The following ANO1 variants were observed in gnomAD, a reference collection of about 807,000 sequenced individuals.
ANO1 encodes anoctamin 1.
Under a neutral mutation model 124.0 loss-of-function variants are expected in ANO1, and 59 were observed. That is an observed-to-expected ratio of 0.48 (90% CI 0.39 to 0.59). The LOEUF is 0.59. Among genes scored for constraint, ANO1 ranks in the 20% least tolerant of loss-of-function variants. The probability of loss-of-function intolerance (pLI) is 0.00; values close to 1 mark genes in which losing one functional copy is unlikely to be tolerated. For missense variants in ANO1, 1,059 were observed against 1,328.0 expected, an observed-to-expected ratio of 0.80 and a Z score of 3.15; for synonymous variants, 529 against 532.0, an observed-to-expected ratio of 0.99 and a Z score of 0.08.
intron 19 of ANO1, among the ~76,000 whole-genome samples, chr11:70,163,899 CT>C (rs1262604811): frequency 6.6e-6 from 1 of 150,404 alleles, no homozygotes; most frequent in Non-Finnish European, 1.5e-5. Context: ...GATTTCGCCA[CT>C]GCACTTCATC....
In ANO1 at chr11:70,032,564, G is replaced by A. The variant is rs192146238; in HGVS notation, c.59-45978G>A. Among the ~76,000 whole-genome samples, 151 of 151,734 alleles carry A rather than the reference G, an allele frequency of 1.0e-3. No individual in the cohort carries two copies. In the Middle Eastern group the frequency reaches 0.01, roughly 10 times the overall value. On this transcript the variant is annotated intron_variant, in intron 1 of 27. Coordinates refer to the ANO1 transcript ENST00000531349. Reference sequence around the variant, plus strand: ...GGGGGGTCTCTGAAGGGTAGAATCCGCAGAACCCACTGTGAAGGGGTGGGC... The same window carrying A: ...GGGGGGTCTCTGAAGGGTAGAATCCACAGAACCCACTGTGAAGGGGTGGGC...
intron 1 of ANO1, among the ~76,000 whole-genome samples, chr11:69,998,943 T>G (rs530955258): frequency 6.6e-5 from 10 of 151,308 alleles, no homozygotes; most frequent in Non-Finnish European, 7.4e-5. Flanking sequence ...AGCAAAACTC[T>G]GTTTGAAAGA....
Position 70,047,008 on chromosome 11 carries a change from A to T in ANO1, c.59-31534A>T, listed in dbSNP as rs77618122. 1.1e-4 allele frequency among the ~76,000 whole-genome samples: 16 copies of T among 151,250 alleles called. No individual in the cohort carries two copies. The East Asian group carries it at 3.1e-3, about 29-fold the overall frequency. ...GGCAGGAGAATCACTTGAGCCCAGA[A>T]GATGGAGGTTGCAGTGAGCCAAGAT... On this transcript the variant is annotated intron_variant, in intron 1 of 27. Coordinates refer to the ANO1 transcript ENST00000531349.
chr11:70,103,893 C>G, intron 3 of ANO1, 106 bp from the exon 4 acceptor site: 1 of 1,283,894 alleles, frequency 7.8e-7, no homozygotes. Flanking sequence ...TCTCAGGACG[C>G]CCCGTTGCAT....
chr11:69,980,357 C>T, the ANO1 span, among the ~76,000 whole-genome samples: 4 of 152,140 alleles, frequency 2.6e-5, no homozygotes, highest in South Asian at 2.1e-4. Flanking sequence ...GGCATGGTGG[C>T]TCACACCTGT....
chr11:70,082,691 C>A (rs550799275), intron 1 of ANO1, among the ~76,000 whole-genome samples: 1 of 152,330 alleles, frequency 6.6e-6, no homozygotes, highest in African/African-American at 2.4e-5. Flanking sequence ...GGAAGTTATG[C>A]ACAAAGTCTC....
At position 70,182,811 on chromosome 11, in the gene ANO1, A is replaced by G. The variant is rs149188069; in HGVS notation, c.2588+125A>G. On this transcript the variant is annotated intron_variant, in intron 24 of 25. Transcript: ENST00000355303. ...AACGCAAACTTGCTTAAAAAGAAGA[A>G]GAAGGAAAAAAAAAAAGGCTGGTGC... 117 of 964,234 alleles carry G rather than the reference A, an allele frequency of 1.2e-4. No individual in the cohort carries two copies. In the African/African-American group the frequency reaches 1.7e-3, roughly 14 times the overall value. The allele number at this position is 964,234 out of a possible 1,614,324, so 59.7% of individuals were successfully genotyped here.
chr11:70,184,557 G>A (rs933999867), intron 24 of ANO1, among the ~76,000 whole-genome samples: 6 of 152,196 alleles, frequency 3.9e-5, no homozygotes, highest in Non-Finnish European at 7.3e-5. Context: ...TGAGGACCAA[G>A]CAGCAACCCT....
chr11:70,003,576 A>G (rs1554999639), intron 1 of ANO1, among the ~76,000 whole-genome samples: 1 of 125,178 alleles, frequency 8.0e-6, no homozygotes, highest in East Asian at 2.0e-4. Flanking sequence ...GGCTTAATAA[A>G]TTGTTGGTGG....
chr11:70,007,074 C>G (rs1856506183), intron 1 of ANO1, among the ~76,000 whole-genome samples: 1 of 152,088 alleles, frequency 6.6e-6, no homozygotes, highest in Non-Finnish European at 1.5e-5. Flanking sequence ...ACTCTGTACC[C>G]ATTGAACAGC....
intron 2 of ANO1, among the ~76,000 whole-genome samples, chr11:70,095,418 GAAAGAAAGA>G (rs1423049872): frequency 0.22 from 13,840 of 63,248 alleles, 2,772 homozygotes; most frequent in Middle Eastern, 0.27. Flanking sequence ...AAGAAAGAAA[GAAAGAAAGA>G]AAAGAAAAGA....
chr11:70,033,453 A>C (rs1479011206), intron 1 of ANO1, among the ~76,000 whole-genome samples: 2 of 152,168 alleles, frequency 1.3e-5, no homozygotes, highest in Non-Finnish European at 2.9e-5. Context: ...ATTCCACCTC[A>C]GTTCCCTCCA....
intron 13 of ANO1, 27 bp from the exon 14 acceptor site, chr11:70,153,030 T>C (rs758713304): frequency 5.0e-6 from 8 of 1,585,766 alleles, no homozygotes; most frequent in South Asian, 3.5e-5. Context: ...TAACAAGGAC[T>C]CTGTCTTGAC....
At position 70,026,497 on chromosome 11, in the gene ANO1, AATG is replaced by A. The variant is rs543622978; in HGVS notation, c.58+40343_58+40345del. ...TGGTGGTGGTGGTGATGCTGGTGAC[AATG>A]ATGATGATGATAGTGATGGTGGTGG... On this transcript the variant is annotated intron_variant, in intron 1 of 27. Transcript: ENST00000531349. Among the ~76,000 whole-genome samples, 361 of 138,732 alleles carry A rather than the reference AATG, an allele frequency of 2.6e-3. 1 individual carries two copies. The highest frequency in any genetic ancestry group is 5.4e-3 in the Admixed American group (76 of 14,016). 91.0% of individuals were successfully genotyped at this position (138,732 alleles called of 152,430 possible). A position where few individuals can be genotyped will look rare whatever the true frequency, so the allele number is the denominator to read the frequency against.
At position 70,108,337 on chromosome 11, in the gene ANO1, C is replaced by T. The variant is rs1431869218; in HGVS notation, c.748-16C>T. ...CCTTAAGTAACTGCTCACCCCCCTT[C>T]TTGTCTCTGCAATAGGTCTATGAGA... On this transcript the variant is annotated splice_polypyrimidine_tract_variant and intron_variant, in intron 5 of 25. Transcript: ENST00000355303. The T allele has an allele frequency of 6.2e-7, 1 of 1,606,296 alleles. No individual in the cohort carries two copies. The highest frequency in any genetic ancestry group is 1.1e-5 in the South Asian group (1 of 90,418).
intron 16 of ANO1, among the ~76,000 whole-genome samples, chr11:70,160,444 C>T (rs904657334): frequency 3.3e-5 from 5 of 152,184 alleles, no homozygotes; most frequent in South Asian, 2.1e-4. Flanking sequence ...ACTCCCACCA[C>T]GGTTTCTCAG....
At chr11:70,177,638 C>T (rs1306245204) in intron 22 of ANO1, among the ~76,000 whole-genome samples, 1 of 111,076 alleles carries the variant, frequency 9.0e-6, no homozygotes, top group Non-Finnish European at 1.7e-5. Flanking sequence ...CTCGTTCATT[C>T]TCCCAGGCTG....
At chr11:70,009,866 G>A (rs1555000732) in intron 1 of ANO1, among the ~76,000 whole-genome samples, 1 of 152,012 alleles carries the variant, frequency 6.6e-6, no homozygotes, top group Non-Finnish European at 1.5e-5. Flanking sequence ...TTTTGGTACA[G>A]CCATCACCTG....
intron 5 of ANO1, among the ~76,000 whole-genome samples, chr11:70,106,876 G>A (rs575487366): frequency 7.2e-5 from 11 of 152,328 alleles, no homozygotes; most frequent in South Asian, 4.1e-4. Context: ...AGCAGTACTC[G>A]ATAGGGAGAG....
Sources: gnomAD v4.1 joint callset for allele counts (sites outside exome capture counted in the v4.1 genomes callset) on GRCh38, gnomAD v4.1.1 for gene constraint, MANE v1.5 for transcripts, NCBI Gene and HGNC (gene_info 2026-07-23, HGNC 2026-07-21) for gene names.